RPGR: variants seen among roughly 807,000 people sequenced by gnomAD.
RPGR encodes the protein X-linked retinitis pigmentosa GTPase regulator.
Under a neutral mutation model 56.3 loss-of-function variants are expected in RPGR, and 10 were observed. That is an observed-to-expected ratio of 0.18 (90% CI 0.11 to 0.30). The LOEUF is 0.30. Among genes scored for constraint, RPGR ranks in the 10% least tolerant of loss-of-function variants. The pLI is 1.00. For missense variants in RPGR, 538 were observed against 590.9 expected (o/e 0.91, Z 0.93); for synonymous variants, 197 against 212.9 (o/e 0.93, Z 0.65).
At chrX:38,325,600 T>G (rs915408961) in intron 1 of RPGR, among the ~76,000 whole-genome samples, 7 of 112,157 alleles carry the variant, frequency 6.2e-5, no homozygotes, top group Admixed American at 5.7e-4. Flanking sequence ...ATCTTACTCA[T>G]GCACTATAGT....
intron 14 of RPGR, chrX:38,287,536 T>G: frequency 2.0e-6 from 1 of 509,578 alleles, no homozygotes; most frequent in Non-Finnish European, 3.5e-6. Context: ...ACTTTCCCTT[T>G]TCTTAACAAA....
At chrX:38,287,338 C>G in intron 14 of RPGR, 93 bp from the exon 15 acceptor site, 1 of 1,167,078 alleles carries the variant, frequency 8.6e-7, no homozygotes, top group African/African-American at 1.8e-5. Context: ...AATCAATTTC[C>G]TGCCATACCG....
intron 7 of RPGR, among the ~76,000 whole-genome samples, chrX:38,309,292 T>C (rs558298021): frequency 8.9e-6 from 1 of 111,840 alleles, no homozygotes; most frequent in South Asian, 3.7e-4. Flanking sequence ...CATACCACTT[T>C]TTAATGAATT....
At chrX:38,311,012 T>C (rs1331155001) in intron 6 of RPGR, among the ~76,000 whole-genome samples, 2 of 112,647 alleles carry the variant, frequency 1.8e-5, no homozygotes, top group African/African-American at 6.4e-5. Context: ...AAAATTACTT[T>C]AGTGCTTTCA....
Position 38,323,460 on chromosome X carries a change from C to T in RPGR, c.93G>A (p.Trp31Ter). Residue 31 changes from tryptophan to a stop codon, truncating the protein, a stop_gained, in exon 2 of 19, where the codon TGG becomes TGA. Transcript: ENST00000642395. LOFTEE classifies it high-confidence loss of function. ...GATGTACAGGGACATCATTTTTAAA[C>T]CAGAATTTACCGGGATTATTTTCAG... 8.3e-7 allele frequency: 1 copy of T among 1,207,068 alleles called. No homozygotes were observed. Among genetic ancestry groups the T allele is most frequent in the Non-Finnish European group, 1.1e-6 (1 of 891,729 alleles).
Position 38,318,881 on chromosome X carries a change from C to T in RPGR, c.417G>A (p.Glu139=), listed in dbSNP as rs777541233. The change falls in exon 5 of 19, where the codon GAG becomes GAA. Residue 139 remains glutamate, a synonymous_variant. Coordinates refer to ENST00000642395, the MANE Select transcript of RPGR (RefSeq NM_000328.3). ...CAGCAGACAGCTGCTTAATCTTATGCTCGGATGTAAAAAAGCTAATTACAT... is the reference window on the plus strand; with the variant it reads ...CAGCAGACAGCTGCTTAATCTTATGTTCGGATGTAAAAAAGCTAATTACAT... 2.5e-6 allele frequency: 3 copies of T among 1,211,618 alleles called. No individual in the cohort carries two copies. The highest frequency in any genetic ancestry group is 3.5e-5 in the African/African-American group (2 of 57,816).
chrX:38,317,244 T>C, intron 6 of RPGR, 72 bp downstream of exon 6: 1 of 1,000,459 alleles, frequency 1.0e-6, no homozygotes, highest in Non-Finnish European at 1.4e-6. Flanking sequence ...CCAGAGACTA[T>C]ATCATTTCAT....
chrX:38,293,855 T>C (rs944413783), intron 11 of RPGR, among the ~76,000 whole-genome samples: 1 of 111,657 alleles, frequency 9.0e-6, no homozygotes, highest in Non-Finnish European at 1.9e-5. Flanking sequence ...ACTTTCCTTA[T>C]ACTTTCTCTC....
In RPGR at chrX:38,288,000, A is replaced by G. The variant is rs2067219457; in HGVS notation, c.1614T>C (p.Leu538=). The G allele has an allele frequency of 1.7e-6, 2 of 1,210,930 alleles. No individual in the cohort carries two copies. The highest frequency in any genetic ancestry group is 5.9e-5 in the East Asian group (2 of 33,864). ...ATTCATCACTATCATCGTTTTCAGT[A>G]AGAGCTGTATCCTGCGTCAGTTCCC... Residue 538 remains leucine, a synonymous_variant, in exon 14 of 19, where the codon CTT becomes CTC. Transcript: ENST00000642395.
chrX:38,309,147 T>C (rs1016358366), intron 7 of RPGR, among the ~76,000 whole-genome samples: 3 of 112,051 alleles, frequency 2.7e-5, no homozygotes, highest in African/African-American at 9.7e-5. Context: ...TTAGTAAACA[T>C]ATTAGCAAGT....
intron 1 of RPGR, among the ~76,000 whole-genome samples, 161 bp downstream of exon 1, chrX:38,327,176 GTCC>G (rs1028602200): frequency 4.4e-5 from 5 of 113,067 alleles, no homozygotes; most frequent in African/African-American, 1.6e-4. Context: ...TTCCCGTCCG[GTCC>G]TCTGCCCTCA....
intron 13 of RPGR, among the ~76,000 whole-genome samples, chrX:38,288,350 C>T (rs1246032956): frequency 8.9e-6 from 1 of 112,003 alleles, no homozygotes; most frequent in East Asian, 2.8e-4. Flanking sequence ...CCTCTTTTCT[C>T]AATCCGAATC....
chrX:38,281,206 T>C (rs2067024616), intron 15 of RPGR, among the ~76,000 whole-genome samples: 1 of 112,719 alleles, frequency 8.9e-6, no homozygotes, highest in African/African-American at 3.2e-5. Context: ...GAAGATTTTC[T>C]TGTTGTCCAT....
intron 8 of RPGR, chrX:38,302,563 A>G (rs2067520882): frequency 9.0e-6 from 1 of 111,088 alleles, no homozygotes; most frequent in Admixed American, 9.6e-5. Context: ...TATCTTAAGG[A>G]CATTTAGAAG....
At position 38,315,820 on chromosome X, in the gene RPGR, C is replaced by CATATAT. The variant is rs1175539921; in HGVS notation, c.619+1490_619+1495dup. Reference sequence around the variant, plus strand: ...ACATCTCAGGTATTCCATATATATACATATATATATATATATATAGAGAGA... The same window carrying CATATAT: ...ACATCTCAGGTATTCCATATATATACATATATATATATATATATATATATAGAGAGA... On this transcript the variant is annotated intron_variant, in intron 6 of 18. Coordinates refer to ENST00000642395, the MANE Select transcript of RPGR (RefSeq NM_000328.3). 2.6e-3 allele frequency among the ~76,000 whole-genome samples: 236 copies of CATATAT among 92,132 alleles called. 2 individuals are homozygous for CATATAT. The highest frequency in any genetic ancestry group is 9.2e-3 in the African/African-American group (220 of 23,964). 80.0% of individuals were successfully genotyped at this position (92,132 alleles called of 115,157 possible). A position where few individuals can be genotyped will look rare whatever the true frequency, so the allele number is the denominator to read the frequency against.
At chrX:38,324,675 A>G (rs1051153469) in intron 1 of RPGR, among the ~76,000 whole-genome samples, 1 of 107,698 alleles carries the variant, frequency 9.3e-6, no homozygotes, top group Non-Finnish European at 1.9e-5. Context: ...TTCCTCTACC[A>G]TAAGAGTTGG....
chrX:38,270,780 C>A (rs910311055), intron 18 of RPGR, among the ~76,000 whole-genome samples: 13 of 110,173 alleles, frequency 1.2e-4, no homozygotes, highest in African/African-American at 4.3e-4. Context: ...ATGAAAGTAG[C>A]CCCGATAACC....
At chrX:38,288,269 T>C (rs886762762) in intron 13 of RPGR, among the ~76,000 whole-genome samples, 12 of 112,236 alleles carry the variant, frequency 1.1e-4, no homozygotes, top group African/African-American at 3.9e-4. Flanking sequence ...TGTATCTGTG[T>C]TTAATTTTCG....
At chrX:38,303,355 G>A (rs2067538413) in intron 8 of RPGR, among the ~76,000 whole-genome samples, 1 of 111,345 alleles carries the variant, frequency 9.0e-6, no homozygotes, top group Admixed American at 9.5e-5. Context: ...GCCCTCCAGG[G>A]ACGATTGATG....
Sources: gnomAD v4.1 joint callset for allele counts (sites outside exome capture counted in the v4.1 genomes callset) on GRCh38, gnomAD v4.1.1 for gene constraint, MANE v1.5 for transcripts, NCBI Gene and HGNC (gene_info 2026-07-23, HGNC 2026-07-21) for gene names.